The following MOXD1 variants were observed in gnomAD, a reference collection of about 807,000 sequenced individuals.
MOXD1 encodes the protein monooxygenase DBH like 1.
Under a neutral mutation model 66.6 loss-of-function variants are expected in MOXD1, and 62 were observed. The ratio of observed to expected loss-of-function variants is 0.93; its 90% CI spans 0.76 to 1.15. The LOEUF is 1.15. Ranked by LOEUF, MOXD1 falls within the 50% of genes most tolerant of loss-of-function variation. The pLI is 0.00. For missense variants in MOXD1, 847 were observed against 754.6 expected (o/e 1.12, Z -1.44); for synonymous variants, 303 against 281.9 (o/e 1.07, Z -0.75).
Position 132,374,235 on chromosome 6 carries a change from T to A in MOXD1, c.411+396A>T, listed in dbSNP as rs1477378524. ...GATTTTAGAAATTTACAAAGATGAG[T>A]CCATTACAAATCAGATGAATTATAT... On this transcript the variant is annotated intron_variant, in intron 2 of 11. Coordinates refer to ENST00000367963, the MANE Select transcript of MOXD1 (RefSeq NM_015529.4). 2.6e-5 allele frequency among the ~76,000 whole-genome samples: 4 copies of A among 152,174 alleles called. No homozygotes were observed. In the South Asian group the frequency reaches 6.2e-4, roughly 24 times the overall value.
intron 1 of MOXD1, among the ~76,000 whole-genome samples, chr6:132,382,365 G>T (rs1776529425): frequency 6.6e-6 from 1 of 152,048 alleles, no homozygotes; most frequent in Non-Finnish European, 1.5e-5. Flanking sequence ...TTAATGATCT[G>T]CAAAGTGAAA....
At chr6:132,305,175 G>T (rs1162172490) in intron 10 of MOXD1, among the ~76,000 whole-genome samples, 1 of 152,244 alleles carries the variant, frequency 6.6e-6, no homozygotes, top group Non-Finnish European at 1.5e-5. Flanking sequence ...CTTTTCCCCT[G>T]CTGGAGCCAG....
chr6:132,365,421 A>G (rs1776100080), intron 4 of MOXD1, among the ~76,000 whole-genome samples: 1 of 152,140 alleles, frequency 6.6e-6, no homozygotes, highest in Non-Finnish European at 1.5e-5. Context: ...AGGAACTCAG[A>G]CCACAGAGCA....
chr6:132,322,766 C>T lies in MOXD1; in HGVS notation c.1218G>A (p.Lys406=). 1 of 1,614,042 alleles carries T rather than the reference C, an allele frequency of 6.2e-7. No homozygotes were observed. The highest frequency in any genetic ancestry group is 8.5e-7 in the Non-Finnish European group (1 of 1,179,990). The change falls in exon 8 of 12, where the codon AAG becomes AAA. Residue 406 remains lysine (K), a synonymous_variant. Coordinates refer to ENST00000367963, the MANE Select transcript of MOXD1 (RefSeq NM_015529.4). ...GIRLRHFRKG[K]EMKLLAYDDD... ...CATCATAGGCAAGTAATTTCATTTC[C>T]TTCCCTTTTCGAAAATGACGCAGCC... is the stretch of plus-strand genomic sequence containing the variant.
chr6:132,381,611 T>C (rs893810264), intron 1 of MOXD1, among the ~76,000 whole-genome samples: 2 of 152,112 alleles, frequency 1.3e-5, no homozygotes, highest in Admixed American at 1.3e-4. Context: ...GAGATTCAGA[T>C]TGGTTAAACT....
chr6:132,368,630 C>A (rs1776195291), intron 4 of MOXD1, among the ~76,000 whole-genome samples: 1 of 151,508 alleles, frequency 6.6e-6, no homozygotes, highest in Non-Finnish European at 1.5e-5. Flanking sequence ...GATTATTTAC[C>A]TTATTTTATA....
chr6:132,334,454 C>T (rs1042558263), intron 4 of MOXD1, among the ~76,000 whole-genome samples: 1 of 152,212 alleles, frequency 6.6e-6, no homozygotes, highest in African/African-American at 2.4e-5. Context: ...ACAACTGACC[C>T]AAATGCTCAA....
chr6:132,362,334 A>T (rs2114643592), intron 4 of MOXD1, among the ~76,000 whole-genome samples: 1 of 152,298 alleles, frequency 6.6e-6, no homozygotes, highest in African/African-American at 2.4e-5. Flanking sequence ...AGGGTTAAAG[A>T]TCACTTAGAA....
chr6:132,395,749 C>T (rs1440936520), intron 1 of MOXD1, among the ~76,000 whole-genome samples: 1 of 152,052 alleles, frequency 6.6e-6, no homozygotes, highest in Non-Finnish European at 1.5e-5. Context: ...GTGAAACATA[C>T]CTTAAGTATA....
intron 1 of MOXD1, among the ~76,000 whole-genome samples, chr6:132,378,225 C>A (rs890294179): frequency 6.6e-6 from 1 of 152,056 alleles, no homozygotes; most frequent in Non-Finnish European, 1.5e-5. Context: ...CTTAGCTATC[C>A]AAATAATATT....
chr6:132,336,830 C>A (rs1012705850), intron 4 of MOXD1, among the ~76,000 whole-genome samples: 1 of 152,188 alleles, frequency 6.6e-6, no homozygotes, highest in Non-Finnish European at 1.5e-5. Flanking sequence ...AATTCTCATG[C>A]GTCTACCATC....
chr6:132,354,854 G>A (rs910007884), intron 4 of MOXD1, among the ~76,000 whole-genome samples: 2 of 152,106 alleles, frequency 1.3e-5, no homozygotes, highest in African/African-American at 4.8e-5. Flanking sequence ...ATGGGGGTGA[G>A]GTTCCCAGGT....
intron 9 of MOXD1, 119 bp downstream of exon 9, chr6:132,320,510 C>A: frequency 1.2e-6 from 1 of 818,256 alleles, no homozygotes; most frequent in South Asian, 2.1e-5. Flanking sequence ...ATACTTGATA[C>A]TCAAGATTTT....
At chr6:132,298,500 G>A (rs1189100665) in intron 10 of MOXD1, among the ~76,000 whole-genome samples, 1 of 152,146 alleles carries the variant, frequency 6.6e-6, no homozygotes, top group Non-Finnish European at 1.5e-5. Context: ...GAGATGGAAA[G>A]TTCAAACCCA....
intron 9 of MOXD1, among the ~76,000 whole-genome samples, chr6:132,317,810 T>G (rs955136585): frequency 2.6e-5 from 4 of 152,170 alleles, no homozygotes; most frequent in African/African-American, 9.6e-5. Context: ...TTCTTCCCAT[T>G]TCAACCAAAG....
Position 132,401,210 on chromosome 6 carries a change from C to T in MOXD1, c.217G>A (p.Ala73Thr). Residue 73 changes from alanine to threonine, a missense_variant, in exon 1 of 12, where the codon GCC becomes ACC. Transcript: ENST00000367963. Reference protein sequence around the residue: ...GFSPTGAMASADIVVGGVAHG... With the variant: ...GFSPTGAMASTDIVVGGVAHG... ...GCCACCCCGCCCACGACGATGTCGG[C>T]GGACGCCATGGCCCCGGTGGGCGAG... 2 of 1,561,358 alleles carry T rather than the reference C, an allele frequency of 1.3e-6. No individual in the cohort carries two copies. Among genetic ancestry groups the T allele is most frequent in the Non-Finnish European group, 1.7e-6 (2 of 1,161,950 alleles).
intron 4 of MOXD1, among the ~76,000 whole-genome samples, chr6:132,359,509 C>T (rs1446392862): frequency 1.6e-5 from 2 of 128,720 alleles, no homozygotes; most frequent in African/African-American, 6.2e-5. Flanking sequence ...TTTTTTGAGA[C>T]GGAGTCTCGC....
intron 4 of MOXD1, among the ~76,000 whole-genome samples, chr6:132,351,827 C>A (rs924115094): frequency 1.3e-5 from 2 of 152,096 alleles, no homozygotes; most frequent in Non-Finnish European, 2.9e-5. Context: ...TTGGTCTGTT[C>A]AAGGTATCTA....
At chr6:132,333,105 G>T (rs1775359478) in intron 4 of MOXD1, among the ~76,000 whole-genome samples, 1 of 152,144 alleles carries the variant, frequency 6.6e-6, no homozygotes. Context: ...GGGAGGCCGA[G>T]GCGGGCAGAT....
Sources: gnomAD v4.1 joint callset for allele counts (sites outside exome capture counted in the v4.1 genomes callset) on GRCh38, gnomAD v4.1.1 for gene constraint, MANE v1.5 for transcripts, NCBI Gene and HGNC (gene_info 2026-07-23, HGNC 2026-07-21) for gene names.